B3GALT1: variants seen among roughly 807,000 people sequenced by gnomAD.
The protein encoded by B3GALT1 is UDP-Gal:betaGlcNAc beta 1,3-galactosyltransferase, polypeptide 1.
In B3GALT1, 10 loss-of-function variants were observed where a neutral mutation model predicts 23.2. That is an observed-to-expected ratio of 0.43 (90% CI 0.27 to 0.73). B3GALT1 has a LOEUF of 0.73. Ranked by LOEUF, B3GALT1 falls within the 30% of genes least tolerant of loss-of-function variation. The pLI, the probability that B3GALT1 is intolerant of heterozygous loss-of-function variation, is 0.21. For synonymous variants in B3GALT1, 156 were observed against 141.5 expected (o/e 1.10, Z -0.73); for missense variants, 299 against 405.4 (o/e 0.74, Z 2.25).
intron 1 of B3GALT1, among the ~76,000 whole-genome samples, chr2:167,346,735 TGTGTGTGTGTGGGGGGGGGGTG>T (rs1229780881): frequency 4.4e-4 from 14 of 31,618 alleles, no homozygotes; most frequent in Non-Finnish European, 1.4e-3. Flanking sequence ...CTGAGTTGTT[TGTGTGTGTGTGGGGGGGGGGTG>T]GTGCGTGTGT....
rs1375280914 is a variant in B3GALT1, at chr2:167,664,189, G to A, written c.-352+17223G>A. 7.3e-5 allele frequency among the ~76,000 whole-genome samples: 11 copies of A among 149,802 alleles called. 1 individual carries two copies. Among genetic ancestry groups the A allele is most frequent in the African/African-American group, 2.7e-4 (11 of 40,340 alleles). On this transcript the variant is annotated intron_variant, in intron 3 of 4. Transcript: ENST00000392690. ...TCAGCTTTCTACATATGGCTAGCCA[G>A]TTTTCCAAGCACCATTTATTAAATA...
intron 2 of B3GALT1, among the ~76,000 whole-genome samples, chr2:167,497,450 C>T (rs2105346211): frequency 6.6e-6 from 1 of 152,286 alleles, no homozygotes; most frequent in African/African-American, 2.4e-5. Flanking sequence ...TTAAATCAAT[C>T]TTTAAGCAAG....
At chr2:167,486,349 C>A (rs1574099257) in intron 1 of B3GALT1, among the ~76,000 whole-genome samples, 1 of 118,776 alleles carries the variant, frequency 8.4e-6, no homozygotes. Flanking sequence ...CAGAGTGAGA[C>A]TCTGTCTCAA....
intron 1 of B3GALT1, among the ~76,000 whole-genome samples, chr2:167,423,027 T>C (rs907949092): frequency 1.3e-5 from 2 of 152,048 alleles, no homozygotes; most frequent in African/African-American, 2.4e-5. Context: ...AATATGAAAA[T>C]TCCTCAAAAG....
At chr2:167,868,308 G>A (rs1451821122) in intron 4 of B3GALT1, among the ~76,000 whole-genome samples, 1 of 152,204 alleles carries the variant, frequency 6.6e-6, no homozygotes, top group Non-Finnish European at 1.5e-5. Flanking sequence ...AGATTTTCCA[G>A]TGTGATAAAC....
At chr2:167,383,403 C>G (rs1225288917) in intron 1 of B3GALT1, among the ~76,000 whole-genome samples, 2 of 152,070 alleles carry the variant, frequency 1.3e-5, no homozygotes, top group African/African-American at 4.8e-5. Flanking sequence ...TGAAGTAGGC[C>G]TTGACTGTTC....
At chr2:167,842,736 T>C (rs1263882586) in intron 4 of B3GALT1, among the ~76,000 whole-genome samples, 3 of 151,924 alleles carry the variant, frequency 2.0e-5, no homozygotes, top group Admixed American at 6.6e-5. Context: ...TAGCTGGGTG[T>C]GGTGGCACAC....
At chr2:167,866,668 TG>T (rs1690224001) in intron 4 of B3GALT1, among the ~76,000 whole-genome samples, 1 of 152,210 alleles carries the variant, frequency 6.6e-6, no homozygotes, top group South Asian at 2.1e-4. Flanking sequence ...GCCTGATTAC[TG>T]GCTCCCAAAT....
intron 2 of B3GALT1, among the ~76,000 whole-genome samples, chr2:167,629,705 A>T (rs1685406750): frequency 6.6e-6 from 1 of 151,720 alleles, no homozygotes; most frequent in South Asian, 2.1e-4. Flanking sequence ...TTTCCCTAAG[A>T]CGCATTAGAA....
chr2:167,504,224 A>G (rs909381592), intron 2 of B3GALT1, among the ~76,000 whole-genome samples: 1 of 152,200 alleles, frequency 6.6e-6, no homozygotes, highest in Non-Finnish European at 1.5e-5. Flanking sequence ...AATGTCTTCT[A>G]TTATTTAGTT....
intron 2 of B3GALT1, among the ~76,000 whole-genome samples, chr2:167,529,595 C>T (rs904891759): frequency 6.6e-6 from 1 of 151,430 alleles, no homozygotes; most frequent in Admixed American, 6.6e-5. Context: ...TCTCCTCCCA[C>T]ATGAGCACCA....
At chr2:167,629,067 A>G (rs1685393980) in intron 2 of B3GALT1, among the ~76,000 whole-genome samples, 2 of 151,784 alleles carry the variant, frequency 1.3e-5, no homozygotes, top group South Asian at 2.1e-4. Context: ...TCTCTGAGTT[A>G]TATTGTATAG....
chr2:167,870,095 G>A lies in B3GALT1; in HGVS notation c.*75G>A. The A allele has an allele frequency of 2.8e-6, 4 of 1,434,468 alleles. No individual in the cohort carries two copies. In the East Asian group the frequency reaches 7.0e-5, roughly 25 times the overall value. 88.9% of individuals were successfully genotyped at this position (1,434,468 alleles called of 1,614,324 possible). On this transcript the variant is annotated 3_prime_UTR_variant, in exon 5 of 5. Coordinates refer to ENST00000392690, the MANE Select transcript of B3GALT1 (RefSeq NM_020981.4). ...CCTAAGGTGTTGGTATTTTCCAGGT[G>A]TCGGGGGAAATGAACTGGTGAAGGG...
chr2:167,749,800 G>A (rs1313195131), intron 3 of B3GALT1, among the ~76,000 whole-genome samples: 1 of 152,206 alleles, frequency 6.6e-6, no homozygotes, highest in Non-Finnish European at 1.5e-5. Flanking sequence ...TGTGTTGAAA[G>A]GCAACATGAG....
chr2:167,313,139 C>T (rs554901100), intron 1 of B3GALT1, among the ~76,000 whole-genome samples: 1 of 152,086 alleles, frequency 6.6e-6, no homozygotes, highest in African/African-American at 2.4e-5. Flanking sequence ...TTGGATTAAA[C>T]AAGTCATGAT....
chr2:167,407,186 G>C (rs930693290), intron 1 of B3GALT1, among the ~76,000 whole-genome samples: 5 of 151,888 alleles, frequency 3.3e-5, no homozygotes, highest in African/African-American at 1.2e-4. Flanking sequence ...AATAACAAGA[G>C]AAACCTCAGA....
chr2:167,742,371 A>T (rs1687589446), intron 3 of B3GALT1, among the ~76,000 whole-genome samples: 1 of 152,200 alleles, frequency 6.6e-6, no homozygotes, highest in South Asian at 2.1e-4. Flanking sequence ...CTCACTGGGC[A>T]AAAGAGCATA....
At chr2:167,474,436 C>T (rs1320343198) in intron 1 of B3GALT1, among the ~76,000 whole-genome samples, 1 of 152,122 alleles carries the variant, frequency 6.6e-6, no homozygotes, top group Non-Finnish European at 1.5e-5. Flanking sequence ...AACATCACTT[C>T]ATTCCTGTGA....
chr2:167,588,410 G>C (rs1243629159), intron 2 of B3GALT1, among the ~76,000 whole-genome samples: 2 of 152,102 alleles, frequency 1.3e-5, no homozygotes, highest in Non-Finnish European at 2.9e-5. Context: ...ATAAAATGCT[G>C]AAAGACTTGC....
Sources: gnomAD v4.1 joint callset for allele counts (sites outside exome capture counted in the v4.1 genomes callset) on GRCh38, gnomAD v4.1.1 for gene constraint, MANE v1.5 for transcripts, NCBI Gene and HGNC (gene_info 2026-07-23, HGNC 2026-07-21) for gene names.